Variants in LRPPRC observed in about 807,000 individuals in gnomAD.
LRPPRC encodes leucine-rich PPR motif-containing protein, mitochondrial.
LRPPRC carries 120 observed loss-of-function variants against 180.3 expected under a neutral mutation model. The observed-to-expected ratio is 0.67, with a 90% CI of 0.57 to 0.77. LRPPRC has a LOEUF of 0.77. Ranked by LOEUF, LRPPRC falls within the 30% of genes least tolerant of loss-of-function variation. LRPPRC has a pLI of 0.00. For missense variants in LRPPRC, 2,012 were observed against 1,657.2 expected (o/e 1.21, Z -3.72); for synonymous variants, 723 against 600.0 (o/e 1.21, Z -3.00).
At position 43,899,300 on chromosome 2, in the gene LRPPRC, A is replaced by T. The variant is rs766438533; in HGVS notation, c.3744T>A (p.Phe1248Leu). The T allele has an allele frequency of 6.2e-7, 1 of 1,614,134 alleles. No individual in the cohort carries two copies. The highest frequency in any genetic ancestry group is 1.7e-5 in the Admixed American group (1 of 60,026). Residue 1248 changes from phenylalanine to leucine, a missense_variant, in exon 34 of 38, where the codon TTT becomes TTA. Phe to Leu is a conservative substitution (Grantham distance 22). Coordinates refer to ENST00000260665, the MANE Select transcript of LRPPRC (RefSeq NM_133259.4). ...AATCAGTGACAGGTTTATAAATTGC[A>T]AACTGATTGGCCAATCTCTCCGCCA... ...SIMAERLANQ[F>L]AIYKPVTDFF...
intron 27 of LRPPRC, among the ~76,000 whole-genome samples, chr2:43,920,655 G>A (rs534725115): frequency 3.5e-4 from 53 of 149,326 alleles, no homozygotes; most frequent in African/African-American, 1.2e-3. Context: ...AGTATTTCAA[G>A]TATGTGAAAG....
At chr2:43,920,078 TTAAAAAA>T (rs1267532668) in intron 27 of LRPPRC, among the ~76,000 whole-genome samples, 1 of 69,560 alleles carries the variant, frequency 1.4e-5, no homozygotes, top group African/African-American at 6.2e-5. Flanking sequence ...AATCAGCAAT[TTAAAAAA>T]AAAAAAAAAA....
chr2:43,993,602 G>A (rs370480728), intron 1 of LRPPRC, among the ~76,000 whole-genome samples: 13 of 152,038 alleles, frequency 8.6e-5, no homozygotes, highest in African/African-American at 2.2e-4. Context: ...ACAGGATGTC[G>A]GGTAGGAGAC....
intron 27 of LRPPRC, among the ~76,000 whole-genome samples, 155 bp from the exon 28 acceptor site, chr2:43,918,553 G>C (rs141710667): frequency 6.4e-4 from 98 of 152,058 alleles, no homozygotes; most frequent in African/African-American, 2.2e-3. Flanking sequence ...ACCCGAAGTC[G>C]AGAAGGGAAC....
intron 1 of LRPPRC, among the ~76,000 whole-genome samples, chr2:43,991,811 C>G (rs1674794830): frequency 6.6e-6 from 1 of 152,188 alleles, no homozygotes; most frequent in African/African-American, 2.4e-5. Context: ...CACTAATACT[C>G]ATTTGTCCTC....
At chr2:43,992,134 C>T (rs1168382300) in intron 1 of LRPPRC, among the ~76,000 whole-genome samples, 3 of 151,968 alleles carry the variant, frequency 2.0e-5, no homozygotes, top group Admixed American at 1.3e-4. Flanking sequence ...AGAGGAGGCA[C>T]AAGAAAGGAG....
At chr2:43,925,198 G>C in intron 26 of LRPPRC, 41 bp from the exon 27 acceptor site, 3 of 1,007,312 alleles carry the variant, frequency 3.0e-6, no homozygotes, top group South Asian at 1.3e-5. Flanking sequence ...CTTGTGTAAA[G>C]GATGTATTTT....
chr2:43,979,874 C>A lies in LRPPRC; in HGVS notation c.421G>T (p.Glu141Ter). 6.2e-7 allele frequency: 1 copy of A among 1,613,652 alleles called. No individual in the cohort carries two copies. The highest frequency in any genetic ancestry group is 8.5e-7 in the Non-Finnish European group (1 of 1,179,658). ...GSLLPELKLEERTEFAHRIWD... is the reference protein window; with the variant it reads ...GSLLPELKLE ...ATCCTATGAGCAAATTCTGTTCTCT[C>A]TTCAAGCTTTAGTTCAGGCAAGAGA... The change falls in exon 3 of 38, where the codon GAG becomes TAG. Residue 141 changes from glutamate (E) to a stop codon, truncating the protein, a stop_gained. Transcript: ENST00000260665. LOFTEE classifies it high-confidence loss of function.
At chr2:43,970,953 A>G (rs1389391329) in intron 11 of LRPPRC, among the ~76,000 whole-genome samples, 3 of 152,146 alleles carry the variant, frequency 2.0e-5, no homozygotes, top group Non-Finnish European at 4.4e-5. Flanking sequence ...ACCAAAAATT[A>G]GCTGGGTGCA....
At chr2:43,921,195 G>C (rs149109487) in intron 27 of LRPPRC, among the ~76,000 whole-genome samples, 2,119 of 152,322 alleles carry the variant, frequency 0.014, 32 homozygotes, top group Non-Finnish European at 0.019. Flanking sequence ...GGGTGGCTGA[G>C]GCAGGAGAAT....
Position 43,974,164 on chromosome 2 carries a change from C to A in LRPPRC, c.1141G>T (p.Val381Leu). The A allele has an allele frequency of 6.2e-7, 1 of 1,613,824 alleles. No homozygotes were observed. The highest frequency in any genetic ancestry group is 8.5e-7 in the Non-Finnish European group (1 of 1,179,720). The change falls in exon 9 of 38, where the codon GTG (valine) becomes TTG (leucine). Residue 381 changes from valine (V) to leucine (L), a missense_variant. Coordinates refer to ENST00000260665, the MANE Select transcript of LRPPRC (RefSeq NM_133259.4). The part of the protein sequence containing the change: ...VFGSFFLQHC[V>L]TMNTPVEKLT... ...GGACAGAATACCGTATTCATAGTCA[C>A]ACAGTGTTGTAAAAAGAAACTGCCA...
intron 34 of LRPPRC, among the ~76,000 whole-genome samples, chr2:43,898,591 G>A (rs1670772532): frequency 6.6e-6 from 1 of 152,176 alleles, no homozygotes; most frequent in Non-Finnish European, 1.5e-5. Context: ...ATTTAGTGCT[G>A]TTAAAATGGC....
chr2:43,891,361 C>T (rs183604259), intron 36 of LRPPRC, among the ~76,000 whole-genome samples: 17 of 152,274 alleles, frequency 1.1e-4, no homozygotes, highest in Non-Finnish European at 2.2e-4. Flanking sequence ...ACAGATGTTG[C>T]GTTATTTACA....
At position 43,949,585 on chromosome 2, in the gene LRPPRC, C is replaced by G; in HGVS notation, c.1735+17G>C. 6.2e-7 allele frequency: 1 copy of G among 1,605,826 alleles called. No individual in the cohort carries two copies. Among genetic ancestry groups the G allele is most frequent in the Non-Finnish European group, 8.5e-7 (1 of 1,172,640 alleles). Reference sequence around the variant, plus strand: ...GGATTTGTGGATAAGTTACAATCATCGAAATTGAAACGCTACCCGTCGGTC... The same window carrying G: ...GGATTTGTGGATAAGTTACAATCATGGAAATTGAAACGCTACCCGTCGGTC... On this transcript the variant is annotated intron_variant, in intron 16 of 37. Transcript: ENST00000260665.
intron 1 of LRPPRC, among the ~76,000 whole-genome samples, chr2:43,994,582 A>C (rs1416970874): frequency 2.3e-5 from 3 of 132,980 alleles, no homozygotes; most frequent in Admixed American, 7.6e-5. Flanking sequence ...TAAAATGCAG[A>C]TAAATCTGGA....
chr2:43,894,492 T>C (rs899896994), intron 36 of LRPPRC, 53 bp downstream of exon 36: 1 of 901,580 alleles, frequency 1.1e-6, no homozygotes, highest in Non-Finnish European at 1.9e-6. Context: ...TATAGTCACT[T>C]AAATAATAAA....
rs1277436610 is a variant in LRPPRC at position 43,977,111 on chromosome 2, A to C, written c.591+44T>G. ...TACTTTTTTTTCTGAGTAAAGAAAA[A>C]AAATGGTGGATGTGAAAATATATTC... On this transcript the variant is annotated intron_variant, in intron 4 of 37. Coordinates refer to ENST00000260665, the MANE Select transcript of LRPPRC (RefSeq NM_133259.4). 5 of 1,609,872 alleles carry C rather than the reference A, an allele frequency of 3.1e-6. No individual in the cohort carries two copies. The African/African-American group carries it at 6.7e-5, about 22-fold the overall frequency.
intron 29 of LRPPRC, among the ~76,000 whole-genome samples, chr2:43,914,525 C>T (rs866124118): frequency 2.6e-5 from 4 of 150,990 alleles, no homozygotes; most frequent in South Asian, 2.1e-4. Flanking sequence ...GTTGGGAGTT[C>T]GACACCAGCC....
intron 13 of LRPPRC, among the ~76,000 whole-genome samples, chr2:43,959,631 G>T (rs1447880860): frequency 6.6e-6 from 1 of 152,150 alleles, no homozygotes; most frequent in Non-Finnish European, 1.5e-5. Context: ...CAGGCCAGGC[G>T]CAGTGGCTCA....
Sources: gnomAD v4.1 joint callset for allele counts (sites outside exome capture counted in the v4.1 genomes callset) on GRCh38, gnomAD v4.1.1 for gene constraint, MANE v1.5 for transcripts, NCBI Gene and HGNC (gene_info 2026-07-23, HGNC 2026-07-21) for gene names.